CPA6: variants seen among roughly 807,000 people sequenced by gnomAD.
CPA6 encodes carboxypeptidase A6.
CPA6 carries 58 observed loss-of-function variants against 63.3 expected under a neutral mutation model. The ratio of observed to expected loss-of-function variants is 0.92; its 90% CI spans 0.74 to 1.14. The LOEUF (loss-of-function observed/expected upper bound fraction) is 1.14, where lower values mean the gene tolerates loss of function less well. CPA6 is among the 50% of genes most tolerant of loss of function. The probability of loss-of-function intolerance (pLI) is 0.00; values close to 1 mark genes in which losing one functional copy is unlikely to be tolerated. For synonymous variants in CPA6, 185 were observed against 179.0 expected, an observed-to-expected ratio of 1.03 and a Z score of -0.27; for missense variants, 565 against 526.6, an observed-to-expected ratio of 1.07 and a Z score of -0.71.
intron 1 of CPA6, among the ~76,000 whole-genome samples, chr8:67,651,398 G>A (rs1019393264): frequency 1.3e-5 from 2 of 151,982 alleles, no homozygotes; most frequent in African/African-American, 4.8e-5. Context: ...CAGAAACCTC[G>A]GCCTCTATAC....
At chr8:67,673,377 A>ATTATTAT (rs1465769037) in intron 1 of CPA6, among the ~76,000 whole-genome samples, 55 of 131,108 alleles carry the variant, frequency 4.2e-4, no homozygotes, top group Non-Finnish European at 6.0e-4. Flanking sequence ...TATTATTATT[A>ATTATTAT]TTATTTATTT....
intron 6 of CPA6, among the ~76,000 whole-genome samples, chr8:67,485,645 G>C (rs1241396294): frequency 6.6e-6 from 1 of 152,244 alleles, no homozygotes; most frequent in African/African-American, 2.4e-5. Context: ...GTATTTCACT[G>C]TTACAATATT....
intron 1 of CPA6, among the ~76,000 whole-genome samples, chr8:67,655,875 A>G (rs767689081): frequency 2.6e-5 from 4 of 152,176 alleles, no homozygotes; most frequent in Admixed American, 1.3e-4. Context: ...AGGATTTTAA[A>G]AAGAAAATGT....
intron 1 of CPA6, among the ~76,000 whole-genome samples, chr8:67,647,928 G>A (rs1466987472): frequency 6.6e-6 from 1 of 152,062 alleles, no homozygotes; most frequent in Non-Finnish European, 1.5e-5. Flanking sequence ...TTTTCCCTAA[G>A]AAGTAGGGTA....
intron 2 of CPA6, among the ~76,000 whole-genome samples, chr8:67,528,397 C>T (rs999139013): frequency 2.6e-5 from 4 of 152,064 alleles, no homozygotes; most frequent in Admixed American, 6.5e-5. Flanking sequence ...GGAATGTTGG[C>T]GTTTACCTGA....
At chr8:67,568,433 AAAC>A (rs1230702839) in intron 2 of CPA6, among the ~76,000 whole-genome samples, 6 of 152,230 alleles carry the variant, frequency 3.9e-5, no homozygotes, top group Non-Finnish European at 7.3e-5. Flanking sequence ...GAAAATACAC[AAAC>A]AACACCAGAA....
chr8:67,707,005 T>A (rs1817150910), intron 1 of CPA6, among the ~76,000 whole-genome samples: 1 of 152,192 alleles, frequency 6.6e-6, no homozygotes, highest in South Asian at 2.1e-4. Flanking sequence ...ATTGTTATGT[T>A]AAATTATTTT....
At chr8:67,713,985 GT>G (rs1264125016) in intron 1 of CPA6, among the ~76,000 whole-genome samples, 1 of 151,896 alleles carries the variant, frequency 6.6e-6, no homozygotes, top group Non-Finnish European at 1.5e-5. Flanking sequence ...AATCCTTCTG[GT>G]TTTACGTAAA....
intron 8 of CPA6, among the ~76,000 whole-genome samples, chr8:67,478,659 A>G (rs1035866079): frequency 1.2e-4 from 18 of 152,240 alleles, no homozygotes; most frequent in African/African-American, 4.1e-4. Context: ...TACTAAGAAA[A>G]GTAAAAACAC....
intron 2 of CPA6, among the ~76,000 whole-genome samples, chr8:67,590,257 T>C (rs1414841025): frequency 6.6e-6 from 1 of 151,164 alleles, no homozygotes; most frequent in South Asian, 2.1e-4. Context: ...CCATGGTGTA[T>C]ATGTGCCACA....
chr8:67,633,696 A>AAAT (rs1452363328), intron 1 of CPA6, among the ~76,000 whole-genome samples: 2 of 151,756 alleles, frequency 1.3e-5, no homozygotes, highest in Non-Finnish European at 2.9e-5. Context: ...AAAAAAAAAA[A>AAAT]AATCAATTTT....
chr8:67,639,348 A>G (rs1236820106), intron 1 of CPA6, among the ~76,000 whole-genome samples: 2 of 151,524 alleles, frequency 1.3e-5, no homozygotes, highest in African/African-American at 4.9e-5. Context: ...GGCTCCCGCT[A>G]CTGGCCTGGA....
chr8:67,586,426 A>G (rs995815355), intron 2 of CPA6, among the ~76,000 whole-genome samples: 10 of 152,292 alleles, frequency 6.6e-5, no homozygotes, highest in Middle Eastern at 6.8e-3. Flanking sequence ...CTTGGGTAGT[A>G]AGTATTATTA....
rs1587747114 is a variant in CPA6, at chr8:67,745,862, A to G, written c.116+152T>C. 13 of 520,208 alleles carry G rather than the reference A, an allele frequency of 2.5e-5. No individual in the cohort carries two copies. In the East Asian group the frequency reaches 3.9e-4, roughly 16 times the overall value. 32.2% of individuals were successfully genotyped at this position (520,208 alleles called of 1,614,324 possible). On this transcript the variant is annotated intron_variant, in intron 1 of 10. Coordinates refer to ENST00000297770, the MANE Select transcript of CPA6 (RefSeq NM_020361.5). ...CTCAGTGAGCTAAAGCCAAGAGCAG[A>G]GAGCTGTGAGTACATTTTATATAGA...
At chr8:67,545,773 G>A (rs1812805705) in intron 2 of CPA6, among the ~76,000 whole-genome samples, 1 of 151,998 alleles carries the variant, frequency 6.6e-6, no homozygotes, top group Non-Finnish European at 1.5e-5. Flanking sequence ...ATGTTGGTTA[G>A]TCTGGTCTTG....
At chr8:67,480,816 C>T (rs1313943121) in intron 8 of CPA6, among the ~76,000 whole-genome samples, 1 of 152,150 alleles carries the variant, frequency 6.6e-6, no homozygotes, top group Non-Finnish European at 1.5e-5. Context: ...TTTTTTTACA[C>T]CCTCACCAAC....
chr8:67,505,005 G>T (rs1811899479), intron 6 of CPA6, among the ~76,000 whole-genome samples: 1 of 152,198 alleles, frequency 6.6e-6, no homozygotes. Context: ...GCCCTCAGTT[G>T]ACAGTCATTG....
At position 67,422,255 on chromosome 8, in the gene CPA6, C is replaced by T. The variant is rs545494978; in HGVS notation, c.*249G>A. ...GAGAAATGGGAAATTTGAAAACATTCCCTCCCACCATAATCAAATAAGACT... is the reference window on the plus strand; with the variant it reads ...GAGAAATGGGAAATTTGAAAACATTTCCTCCCACCATAATCAAATAAGACT... On this transcript the variant is annotated 3_prime_UTR_variant, in exon 11 of 11. Transcript: ENST00000297770. 1 of 341,396 alleles carries T rather than the reference C, an allele frequency of 2.9e-6. No homozygotes were observed. The highest frequency in any genetic ancestry group is 1.2e-4 in the South Asian group (1 of 8,246). The allele number at this position is 341,396 out of a possible 1,614,324, so 21.1% of individuals were successfully genotyped here. A position where few individuals can be genotyped will look rare whatever the true frequency, so the allele number is the denominator to read the frequency against.
chr8:67,538,906 G>A (rs1010664188), intron 2 of CPA6, among the ~76,000 whole-genome samples: 1 of 152,126 alleles, frequency 6.6e-6, no homozygotes, highest in African/African-American at 2.4e-5. Context: ...TGATCTGCCT[G>A]CCTTGGACTC....
Sources: allele counts gnomAD v4.1 joint callset (sites outside exome capture counted in the v4.1 genomes callset), GRCh38; gene constraint gnomAD v4.1.1; transcripts MANE v1.5; gene names NCBI Gene and HGNC (gene_info 2026-07-23, HGNC 2026-07-21).